MYO9B: variants seen among roughly 807,000 people sequenced by gnomAD.
The protein encoded by MYO9B is myosin IXB.
A neutral mutation model predicts 229.5 loss-of-function variants in MYO9B; 71 were observed. That is an observed-to-expected ratio of 0.31 (90% confidence interval 0.26 to 0.38). The LOEUF (loss-of-function observed/expected upper bound fraction) is 0.38, where lower values mean the gene tolerates loss of function less well. Ranked by LOEUF, MYO9B falls within the 10% of genes least tolerant of loss-of-function variation. The pLI, the probability that MYO9B is intolerant of heterozygous loss-of-function variation, is 1.00. For synonymous variants in MYO9B, 1,185 were observed against 1,235.8 expected, an observed-to-expected ratio of 0.96 and a Z score of 0.86; for missense variants, 2,255 against 2,920.5, an observed-to-expected ratio of 0.77 and a Z score of 5.25.
chr19:17,088,933 C>T (rs529693355), intron 1 of MYO9B, among the ~76,000 whole-genome samples: 4 of 152,094 alleles, frequency 2.6e-5, no homozygotes. Context: ...CTCAAGTAGC[C>T]TCCCAAAGTG....
In MYO9B at chr19:17,197,872, G is replaced by A. The variant is rs761321104; in HGVS notation, c.4113+14G>A. 46 of 1,612,192 alleles carry A rather than the reference G, an allele frequency of 2.9e-5. No individual in the cohort carries two copies. The highest frequency in any genetic ancestry group is 3.7e-5 in the Non-Finnish European group (44 of 1,179,530). Reference sequence around the variant, plus strand: ...GCCAAGGCTCAGGTAACAACAACACGGCAAAACCCCGTCTCCACTAAAAAT... The same window carrying A: ...GCCAAGGCTCAGGTAACAACAACACAGCAAAACCCCGTCTCCACTAAAAAT... On this transcript the variant is annotated intron_variant, in intron 23 of 39. Coordinates refer to ENST00000682292, the MANE Select transcript of MYO9B (RefSeq NM_004145.4).
chr19:17,084,497 C>T (rs941025596), intron 1 of MYO9B, among the ~76,000 whole-genome samples: 1 of 151,948 alleles, frequency 6.6e-6, no homozygotes, highest in East Asian at 1.9e-4. Flanking sequence ...CTGAGCACCA[C>T]GGGGTGTGGA....
At chr19:17,185,852 C>A in intron 17 of MYO9B, 69 bp from the exon 18 acceptor site, 2 of 1,284,206 alleles carry the variant, frequency 1.6e-6, no homozygotes, top group South Asian at 1.2e-5. Flanking sequence ...TGTCCCAGGT[C>A]TGCTCCCACA....
chr19:17,114,573 A>AC (rs1341135135), intron 2 of MYO9B, among the ~76,000 whole-genome samples: 3 of 152,044 alleles, frequency 2.0e-5, no homozygotes, highest in South Asian at 4.1e-4. Flanking sequence ...CATGCCAAAA[A>AC]CCGCAGTCCC....
At position 17,154,020 on chromosome 19, in the gene MYO9B, A is replaced by T. The variant is rs1358240397; in HGVS notation, c.1052A>T (p.Gln351Leu). 1.2e-6 allele frequency: 2 copies of T among 1,613,664 alleles called. No homozygotes were observed. Among genetic ancestry groups the T allele is most frequent in the South Asian group, 2.2e-5 (2 of 91,064 alleles). Residue 351 changes from glutamine to leucine, a missense_variant, in exon 5 of 40, where the codon CAA (glutamine) becomes CTA (leucine). By Grantham distance (113) the Gln-to-Leu change is moderately radical (BLOSUM62 -2). Transcript: ENST00000682292. ...LLLGVSEEER[Q>L]EFQLKQPEDY... ...CTTGGGGTCAGCGAGGAAGAGCGCC[A>T]AGAATTTCAGCTCAAGCAGCCTGAA...
At chr19:17,173,088 G>A in intron 13 of MYO9B, 125 bp downstream of exon 13, 1 of 1,164,034 alleles carries the variant, frequency 8.6e-7, no homozygotes, top group Non-Finnish European at 1.2e-6. Flanking sequence ...AACGCCACCT[G>A]TCTACCTGAA....
intron 31 of MYO9B, 85 bp from the exon 32 acceptor site, chr19:17,205,875 C>T (rs971765259): frequency 5.4e-5 from 72 of 1,339,424 alleles, no homozygotes; most frequent in Middle Eastern, 2.2e-4. Flanking sequence ...GGGCCTTGTG[C>T]GGGACCAGGA....
intron 1 of MYO9B, among the ~76,000 whole-genome samples, chr19:17,088,771 G>T (rs752194137): frequency 6.6e-6 from 1 of 152,088 alleles, no homozygotes; most frequent in East Asian, 1.9e-4. Flanking sequence ...GCTCACTGCA[G>T]CCTCGACCTC....
chr19:17,197,415 G>GATAGGTAC (rs2073056011), intron 22 of MYO9B, among the ~76,000 whole-genome samples: 1 of 109,392 alleles, frequency 9.1e-6, no homozygotes, highest in African/African-American at 3.9e-5. Context: ...ATGATAGATA[G>GATAGGTAC]ATAGATAGAT....
chr19:17,108,743 G>A (rs1327850262), intron 2 of MYO9B, among the ~76,000 whole-genome samples: 1 of 152,086 alleles, frequency 6.6e-6, no homozygotes, highest in African/African-American at 2.4e-5. Flanking sequence ...TTGAGATAGA[G>A]TCTTGCTCTA....
chr19:17,134,403 TTTTTTTG>T (rs2072243533), intron 2 of MYO9B, among the ~76,000 whole-genome samples: 2 of 132,596 alleles, frequency 1.5e-5, no homozygotes, highest in Admixed American at 7.6e-5. Flanking sequence ...TTTTTTTTTT[TTTTTTTG>T]AGACAGACTC....
intron 2 of MYO9B, among the ~76,000 whole-genome samples, chr19:17,127,863 A>G (rs2072144865): frequency 1.3e-5 from 2 of 152,256 alleles, no homozygotes; most frequent in African/African-American, 2.4e-5. Flanking sequence ...GCCCCTTCGC[A>G]GAACAAGTTT....
At chr19:17,112,393 C>T (rs1224892288) in intron 2 of MYO9B, among the ~76,000 whole-genome samples, 1 of 152,218 alleles carries the variant, frequency 6.6e-6, no homozygotes, top group Non-Finnish European at 1.5e-5. Context: ...TCTTCCCAGC[C>T]TGCTGAGAAG....
chr19:17,119,186 T>G lies in MYO9B; in HGVS notation c.840+16629T>G, dbSNP rs562993463. Among the ~76,000 whole-genome samples, 11 of 152,334 alleles carry G rather than the reference T, an allele frequency of 7.2e-5. No individual in the cohort carries two copies. The South Asian group carries it at 2.1e-3, about 29-fold the overall frequency. ...CAGGGCCTTTGCATGTGCTGTGCCC[T>G]CAATCTGGAATACTCTTGCCACCAT... On this transcript the variant is annotated intron_variant, in intron 2 of 39. Coordinates refer to ENST00000682292, the MANE Select transcript of MYO9B (RefSeq NM_004145.4).
intron 2 of MYO9B, among the ~76,000 whole-genome samples, chr19:17,109,358 C>T (rs1462215286): frequency 1.3e-5 from 2 of 152,152 alleles, no homozygotes; most frequent in South Asian, 2.1e-4. Context: ...AGCCACTGCG[C>T]CCGGCCATCA....
At position 17,167,045 on chromosome 19, in the gene MYO9B, G is replaced by A. The variant is rs144732907; in HGVS notation, c.1672-898G>A. On this transcript the variant is annotated intron_variant, in intron 10 of 39. Coordinates refer to ENST00000682292, the MANE Select transcript of MYO9B (RefSeq NM_004145.4). The stretch of plus-strand genomic sequence containing the variant: ...CCCTTATCCAAACTGCTTGGGAGCA[G>A]AAGTGTCTCAGGTTTGGGATTTTTT... Among the ~76,000 whole-genome samples, 542 of 146,366 alleles carry A rather than the reference G, an allele frequency of 3.7e-3. 6 individuals carry two copies. Among genetic ancestry groups the A allele is most frequent in the Middle Eastern group, 3.4e-3 (1 of 294 alleles).
chr19:17,198,451 G>C, intron 24 of MYO9B, 143 bp downstream of exon 24: 1 of 1,213,068 alleles, frequency 8.2e-7, no homozygotes, highest in Non-Finnish European at 1.1e-6. Context: ...AAACTGAATG[G>C]GGAGGCCAGG....
intron 1 of MYO9B, among the ~76,000 whole-genome samples, chr19:17,087,623 G>T (rs771935075): frequency 3.3e-5 from 5 of 152,116 alleles, no homozygotes; most frequent in Non-Finnish European, 5.9e-5. Context: ...GGCTGAGGAG[G>T]CCACAAGTCT....
rs745313791 is a variant in MYO9B at position 17,194,928 on chromosome 19, G to A, written c.3501G>A (p.Gln1167=). The A allele has an allele frequency of 1.2e-6, 2 of 1,613,300 alleles. No individual in the cohort carries two copies. The highest frequency in any genetic ancestry group is 2.2e-5 in the East Asian group (1 of 44,884). Residue 1167 remains glutamine, a synonymous_variant, in exon 22 of 40, where the codon CAG becomes CAA. Coordinates refer to ENST00000682292, the MANE Select transcript of MYO9B (RefSeq NM_004145.4). ...EHVKFQNKHI[Q]SCKEESALRE... Reference sequence around the variant, plus strand: ...TCAAGTTCCAGAACAAACACATCCAGTCCTGCAAGGAGGAGAGTGCCCTCA... The same window carrying A: ...TCAAGTTCCAGAACAAACACATCCAATCCTGCAAGGAGGAGAGTGCCCTCA...
Sources: gnomAD v4.1 joint callset for allele counts (sites outside exome capture counted in the v4.1 genomes callset) on GRCh38, gnomAD v4.1.1 for gene constraint, MANE v1.5 for transcripts, NCBI Gene and HGNC (gene_info 2026-07-23, HGNC 2026-07-21) for gene names.